Variants in TRIM5 observed in about 807,000 individuals in gnomAD.
The protein encoded by TRIM5 is tripartite motif containing 5, also known as tripartite motif-containing protein 5.
Under a neutral mutation model 35.6 loss-of-function variants are expected in TRIM5, and 31 were observed. The observed-to-expected ratio is 0.87, with a 90% confidence interval of 0.65 to 1.18. The LOEUF (loss-of-function observed/expected upper bound fraction) is 1.18, where lower values mean the gene tolerates loss of function less well. TRIM5 is among the 50% of genes most tolerant of loss of function. The pLI is 0.00. For missense variants in TRIM5, 609 were observed against 591.6 expected (o/e 1.03, Z -0.31); for synonymous variants, 243 against 215.6 (o/e 1.13, Z -1.11).
intron 5 of TRIM5, 72 bp downstream of exon 5, chr11:5,667,617 C>T (rs1590230018): frequency 1.3e-6 from 2 of 1,516,542 alleles, no homozygotes; most frequent in Non-Finnish European, 1.8e-6. Context: ...CTAATTAAAC[C>T]CAGGACAATT....
At chr11:5,648,686 G>A in the TRIM5 span, among the ~76,000 whole-genome samples, 1 of 152,120 alleles carries the variant, frequency 6.6e-6, no homozygotes, top group Admixed American at 6.5e-5. Context: ...AGGCTGTCAA[G>A]TTCTCTAAAA....
At chr11:5,590,084 G>C in the TRIM5 span, 1 of 156,696 alleles carries the variant, frequency 6.4e-6, no homozygotes, top group Non-Finnish European at 1.4e-5. Context: ...CACTGCGCTC[G>C]ATTTCTTGCC....
chr11:5,646,870 A>AG, the TRIM5 span, among the ~76,000 whole-genome samples: 9 of 152,184 alleles, frequency 5.9e-5, no homozygotes, highest in African/African-American at 2.2e-4. Flanking sequence ...TCCTTCCAAA[A>AG]TGAAATAATT....
Position 5,664,979 on chromosome 11 carries a change from C to T in TRIM5, c.1312G>A (p.Val438Ile). 6.2e-7 allele frequency: 1 copy of T among 1,614,072 alleles called. No homozygotes were observed. The highest frequency in any genetic ancestry group is 8.5e-7 in the Non-Finnish European group (1 of 1,180,012). Residue 438 changes from valine (V) to isoleucine (I), a missense_variant, in exon 8 of 8, where the codon GTT (valine) becomes ATT (isoleucine). By Grantham distance (29) the Val-to-Ile change is conservative (BLOSUM62 3). Transcript: ENST00000380034. ...GCCTCATAGTCTAGGAAAACTCCAA[C>T]ACGATCAGGACAAATAATCACAGAG... Reference protein sequence around the residue: ...PLSVIICPDRVGVFLDYEACT... With the variant: ...PLSVIICPDRIGVFLDYEACT...
the TRIM5 span, chr11:5,589,436 T>C: frequency 1.3e-5 from 2 of 152,156 alleles, no homozygotes; most frequent in Admixed American, 1.3e-4. Context: ...CTGTTGTGGA[T>C]GTTGACTTGT....
At chr11:5,643,621 C>A in the TRIM5 span, 27 of 1,614,012 alleles carry the variant, frequency 1.7e-5, no homozygotes, top group African/African-American at 2.7e-5. Flanking sequence ...TACAAGTTCT[C>A]TAAATGTTGC....
At position 5,663,385 on chromosome 11, in the gene TRIM5, G is replaced by C. The variant is rs954783201; in HGVS notation, c.*1424C>G. ...TAAATATATGTGTGTATTATATATA[G>C]AAGGCAGAATTGAAGTCATTTTGAC... On this transcript the variant is annotated 3_prime_UTR_variant, in exon 8 of 8. Transcript: ENST00000380034. 1.0e-6 allele frequency: 1 copy of C among 974,252 alleles called. No individual in the cohort carries two copies. Among genetic ancestry groups the C allele is most frequent in the Non-Finnish European group, 1.2e-6 (1 of 819,754 alleles). The allele number at this position is 974,252 out of a possible 1,614,324, so 60.4% of individuals were successfully genotyped here.
chr11:5,618,659 G>A, the TRIM5 span, among the ~76,000 whole-genome samples: 7,707 of 152,272 alleles, frequency 0.051, 274 homozygotes, highest in East Asian at 0.17. Context: ...ATGATAAACT[G>A]TATACATTGC....
chr11:5,678,320 T>G lies in TRIM5; in HGVS notation c.628A>C (p.Ile210Leu). 2 of 1,614,160 alleles carry G rather than the reference T, an allele frequency of 1.2e-6. No individual in the cohort carries two copies. The highest frequency in any genetic ancestry group is 1.7e-6 in the Non-Finnish European group (2 of 1,179,980). Residue 210 changes from isoleucine (I) to leucine (L), a missense_variant, in exon 4 of 8, where the codon ATT becomes CTT. By Grantham distance (5) the Ile-to-Leu change is conservative. Transcript: ENST00000380034. Reference protein sequence around the residue: ...LQNLEKEEEDILKSLTNSETE... With the variant: ...LQNLEKEEEDLLKSLTNSETE... Reference sequence around the variant, plus strand: ...TCAGAGTTCGTAAGGCTTTTCAGAATGTCTTCCTCCTCCTTCTCCAGGTTT... The same window carrying G: ...TCAGAGTTCGTAAGGCTTTTCAGAAGGTCTTCCTCCTCCTTCTCCAGGTTT...
downstream of TRIM5, among the ~76,000 whole-genome samples, chr11:5,661,995 G>C (rs1270455009): frequency 2.0e-5 from 3 of 152,200 alleles, no homozygotes; most frequent in African/African-American, 7.2e-5. Context: ...AATAATTCAA[G>C]CTAGTCCAGA....
chr11:5,597,926 T>TGTTA, the TRIM5 span, among the ~76,000 whole-genome samples: 1 of 151,564 alleles, frequency 6.6e-6, no homozygotes, highest in Non-Finnish European at 1.5e-5. Flanking sequence ...AGAACTTTAA[T>TGTTA]ATTAAAGTGC....
At chr11:5,681,179 C>T (rs1852416928) in intron 1 of TRIM5, among the ~76,000 whole-genome samples, 1 of 152,178 alleles carries the variant, frequency 6.6e-6, no homozygotes, top group South Asian at 2.1e-4. Flanking sequence ...CAGTGGATAT[C>T]AGTCTTGAGA....
At chr11:5,629,172 G>T in the TRIM5 span, among the ~76,000 whole-genome samples, 17 of 152,118 alleles carry the variant, frequency 1.1e-4, no homozygotes, top group Non-Finnish European at 2.4e-4. Context: ...AGCTACTCAG[G>T]AGACTGAGGC....
At chr11:5,665,940 C>G (rs1851097180) in intron 6 of TRIM5, 41 bp downstream of exon 6, 6 of 1,576,390 alleles carry the variant, frequency 3.8e-6, no homozygotes, top group Non-Finnish European at 5.2e-6. Context: ...CCTAACACCA[C>G]TTGAATTCCA....
intron 1 of TRIM5, among the ~76,000 whole-genome samples, chr11:5,680,876 G>A (rs1401463671): frequency 1.3e-5 from 2 of 152,192 alleles, no homozygotes; most frequent in East Asian, 3.8e-4. Flanking sequence ...TCAGTATGGT[G>A]ACCTGAGATG....
the TRIM5 span, among the ~76,000 whole-genome samples, chr11:5,646,761 C>A: frequency 1.3e-5 from 2 of 152,146 alleles, no homozygotes; most frequent in East Asian, 1.9e-4. Flanking sequence ...AGGGCAGACC[C>A]TTGACCCTAG....
At chr11:5,666,263 C>T in intron 5 of TRIM5, 182 bp from the exon 6 acceptor site, 1 of 672,624 alleles carries the variant, frequency 1.5e-6, no homozygotes, top group South Asian at 1.6e-5. Context: ...GTTTGCCTTC[C>T]CACTTACTTT....
the TRIM5 span, chr11:5,603,238 C>G: frequency 1.6e-4 from 263 of 1,608,298 alleles, 1 homozygote; most frequent in Non-Finnish European, 2.2e-4. Flanking sequence ...GTTTGTTCAT[C>G]TACCTAGGAT....
At chr11:5,592,569 G>C in the TRIM5 span, among the ~76,000 whole-genome samples, 2 of 151,968 alleles carry the variant, frequency 1.3e-5, no homozygotes, top group African/African-American at 4.8e-5. Flanking sequence ...CTGCTGAAAA[G>C]AAAGAACAAA....
Sources: allele counts gnomAD v4.1 joint callset (sites outside exome capture counted in the v4.1 genomes callset), GRCh38; gene constraint gnomAD v4.1.1; transcripts MANE v1.5; gene names NCBI Gene and HGNC (gene_info 2026-07-23, HGNC 2026-07-21).